DOP1B: variants seen among roughly 807,000 people sequenced by gnomAD.
DOP1B encodes protein DOP1B.
In DOP1B, 174 loss-of-function variants were observed where a neutral mutation model predicts 233.5. The ratio of observed to expected loss-of-function variants is 0.75; its 90% CI spans 0.66 to 0.85. DOP1B has a LOEUF of 0.85. Among genes scored for constraint, DOP1B ranks in the 40% least tolerant of loss-of-function variants. The probability of loss-of-function intolerance (pLI) is 0.00; values close to 1 mark genes in which losing one functional copy is unlikely to be tolerated. For synonymous variants in DOP1B, 1,190 were observed against 1,185.6 expected, an observed-to-expected ratio of 1.00 and a Z score of -0.08; for missense variants, 2,652 against 2,846.6, an observed-to-expected ratio of 0.93 and a Z score of 1.56.
intron 2 of DOP1B, among the ~76,000 whole-genome samples, chr21:36,191,708 C>T (rs2066236614): frequency 6.6e-6 from 1 of 151,820 alleles, no homozygotes; most frequent in African/African-American, 2.4e-5. Flanking sequence ...ATTGCTTGAA[C>T]CCGGAAGGCG....
chr21:36,183,418 C>T (rs1235905012), intron 2 of DOP1B, among the ~76,000 whole-genome samples: 1 of 152,222 alleles, frequency 6.6e-6, no homozygotes, highest in African/African-American at 2.4e-5. Context: ...TCTTTACAGC[C>T]ACACATGTCC....
intron 9 of DOP1B, 143 bp downstream of exon 9, chr21:36,214,699 T>A (rs2066540371): frequency 1.2e-6 from 1 of 801,718 alleles, no homozygotes; most frequent in South Asian, 1.7e-5. Context: ...AGTCATGTTA[T>A]ATGGTTCAAT....
At chr21:36,198,983 G>C in intron 2 of DOP1B, 87 bp from the exon 3 acceptor site, 1 of 1,391,966 alleles carries the variant, frequency 7.2e-7, no homozygotes, top group Non-Finnish European at 9.8e-7. Context: ...GGACATGGCT[G>C]CAGTCTCTCT....
intron 27 of DOP1B, among the ~76,000 whole-genome samples, chr21:36,271,325 G>A (rs1211737574): frequency 6.7e-6 from 1 of 148,608 alleles, no homozygotes; most frequent in Admixed American, 6.7e-5. Context: ...CCAGGTTGGA[G>A]TGCAGTGGCG....
chr21:36,242,834 G>A (rs1048557259), intron 18 of DOP1B, among the ~76,000 whole-genome samples: 13 of 152,126 alleles, frequency 8.5e-5, no homozygotes, highest in Non-Finnish European at 1.5e-4. Context: ...ACTTCAAGCA[G>A]CTCATCAATT....
intron 15 of DOP1B, among the ~76,000 whole-genome samples, chr21:36,236,180 C>T (rs2066823838): frequency 6.6e-6 from 1 of 152,228 alleles, no homozygotes; most frequent in Admixed American, 6.5e-5. Flanking sequence ...ACCAGCCCTC[C>T]TTCTGGGTCT....
chr21:36,162,816 G>C (rs946914325), intron 1 of DOP1B, among the ~76,000 whole-genome samples: 5 of 152,042 alleles, frequency 3.3e-5, no homozygotes, highest in African/African-American at 1.2e-4. Context: ...AAAGTGCTGA[G>C]ATTACAGGTG....
rs2065943413 is a variant in DOP1B, at chr21:36,168,977, CCTT to C, written c.138+4111_138+4113del. ...CAAAACCTGTTCCTGGCGTTAAGCT[CCTT>C]CTTCCTTTGCAATTCGGTCTTTCTC... On this transcript the variant is annotated intron_variant, in intron 2 of 36. Transcript: ENST00000691173. The C allele has an allele frequency of 8.2e-6, 6 of 732,048 alleles. No homozygotes were observed. In the East Asian group the frequency reaches 1.3e-4, roughly 16 times the overall value. The allele number at this position is 732,048 out of a possible 1,614,324, so 45.3% of individuals were successfully genotyped here.
At chr21:36,204,658 A>ATTT (rs56725433) in intron 4 of DOP1B, among the ~76,000 whole-genome samples, 4 of 115,212 alleles carry the variant, frequency 3.5e-5, no homozygotes, top group African/African-American at 1.0e-4. Flanking sequence ...TGACATTTCT[A>ATTT]TTTTTTTTTT....
At chr21:36,225,459 G>A (rs1347780654) in intron 11 of DOP1B, 106 bp from the exon 12 acceptor site, 2 of 1,261,964 alleles carry the variant, frequency 1.6e-6, no homozygotes, top group African/African-American at 1.5e-5. Flanking sequence ...TCAGACTCCT[G>A]AGCTCAGACA....
chr21:36,168,260 A>G lies in DOP1B; in HGVS notation c.138+3389A>G, dbSNP rs150909068. 8.6e-5 allele frequency among the ~76,000 whole-genome samples: 13 copies of G among 152,036 alleles called. No individual in the cohort carries two copies. The East Asian group carries it at 2.5e-3, about 29-fold the overall frequency. ...CGCCGAGCCACATTTTTCTTTATCC[A>G]TTGATCAGTTGATGGACATTTAGAT... On this transcript the variant is annotated intron_variant, in intron 2 of 36. Transcript: ENST00000691173.
intron 21 of DOP1B, 44 bp downstream of exon 21, chr21:36,248,612 A>G: frequency 6.5e-7 from 1 of 1,543,150 alleles, no homozygotes; most frequent in Non-Finnish European, 8.7e-7. Flanking sequence ...TTGGTCTTGT[A>G]TTGTTCCACC....
At position 36,239,970 on chromosome 21, in the gene DOP1B, C is replaced by A; in HGVS notation, c.3067+15C>A. 6.2e-7 allele frequency: 1 copy of A among 1,601,868 alleles called. No homozygotes were observed. The highest frequency in any genetic ancestry group is 1.7e-5 in the Admixed American group (1 of 59,106). ...GAACTCGGCCGGTGAGCAGCCTGCA[C>A]AGGACCCGAGGGTGAGGGAGGAATG... is the stretch of plus-strand genomic sequence containing the variant. On this transcript the variant is annotated intron_variant, in intron 18 of 36. Transcript: ENST00000691173.
intron 10 of DOP1B, among the ~76,000 whole-genome samples, chr21:36,220,777 T>C (rs1480671188): frequency 1.3e-5 from 2 of 151,430 alleles, no homozygotes; most frequent in African/African-American, 4.9e-5. Context: ...AGTGCTAGGA[T>C]TATAGGTGTG....
At chr21:36,192,863 ATT>A (rs368495957) in intron 2 of DOP1B, among the ~76,000 whole-genome samples, 1 of 150,934 alleles carries the variant, frequency 6.6e-6, no homozygotes, top group African/African-American at 2.4e-5. Context: ...AATTTTTTGT[ATT>A]TTTTTAGTGG....
intron 27 of DOP1B, among the ~76,000 whole-genome samples, chr21:36,274,979 G>A (rs1191352127): frequency 1.3e-5 from 2 of 151,464 alleles, no homozygotes; most frequent in East Asian, 2.0e-4. Flanking sequence ...CAAGTAGCTG[G>A]GATTACAGGT....
At position 36,292,251 on chromosome 21, in the gene DOP1B, C is replaced by CTTT. The variant is rs758803291; in HGVS notation, c.6645+20_6645+22dup. Reference sequence around the variant, plus strand: ...AGTTTGGGGTAAGTGCTTTTCTTTTCTTTTCTTTTTTTTTTTTTTTGGTGA... The same window carrying CTTT: ...AGTTTGGGGTAAGTGCTTTTCTTTTCTTTTTTTCTTTTTTTTTTTTTTTGGTGA... On this transcript the variant is annotated intron_variant, in intron 36 of 36. Transcript: ENST00000691173. 3 of 1,408,378 alleles carry CTTT rather than the reference C, an allele frequency of 2.1e-6. No homozygotes were observed. The highest frequency in any genetic ancestry group is 2.7e-5 in the Admixed American group (1 of 36,934). 87.2% of individuals were successfully genotyped at this position (1,408,378 alleles called of 1,614,324 possible).
chr21:36,255,416 C>T lies in DOP1B; in HGVS notation c.5259+1507C>T, dbSNP rs150234373. ...TCCTGGGATTACAGGCGTGAGCCAC[C>T]GTGCCCGGCCAAAATTTGCATAATT... On this transcript the variant is annotated intron_variant, in intron 23 of 36. Transcript: ENST00000691173. 6.3e-3 allele frequency among the ~76,000 whole-genome samples: 961 copies of T among 151,864 alleles called. 9 individuals carry two copies. Among genetic ancestry groups the T allele is most frequent in the African/African-American group, 0.022 (918 of 41,414 alleles).
At chr21:36,191,166 A>C (rs1011076169) in intron 2 of DOP1B, among the ~76,000 whole-genome samples, 2 of 152,038 alleles carry the variant, frequency 1.3e-5, no homozygotes, top group African/African-American at 4.8e-5. Flanking sequence ...GACATTGCCA[A>C]ATGGGAGCGG....
Sources: gnomAD v4.1 joint callset for allele counts (sites outside exome capture counted in the v4.1 genomes callset) on GRCh38, gnomAD v4.1.1 for gene constraint, MANE v1.5 for transcripts, NCBI Gene and HGNC (gene_info 2026-07-23, HGNC 2026-07-21) for gene names.